Variants in EPM2A observed in about 807,000 individuals in gnomAD.
EPM2A encodes the protein laforin.
In EPM2A, 21 loss-of-function variants were observed where a neutral mutation model predicts 26.5. The observed-to-expected ratio is 0.79, with a 90% confidence interval of 0.56 to 1.14. The LOEUF is 1.14. Among genes scored for constraint, EPM2A ranks in the 50% most tolerant of loss-of-function variants. The pLI is 0.00. For synonymous variants in EPM2A, 217 were observed against 177.6 expected (o/e 1.22, Z -1.76); for missense variants, 458 against 440.8 (o/e 1.04, Z -0.35).
At chr6:145,683,268 G>GGGGTGTGT (rs955430424) in intron 2 of EPM2A, among the ~76,000 whole-genome samples, 1 of 134,010 alleles carries the variant, frequency 7.5e-6, no homozygotes, top group Admixed American at 7.9e-5. Flanking sequence ...CCCAGGATTT[G>GGGGTGTGT]GTGTGTGTGT....
chr6:145,686,438 AGACTAGAGTG>A, intron 1 of EPM2A, 142 bp from the exon 2 acceptor site: 1 of 705,702 alleles, frequency 1.4e-6, no homozygotes. Context: ...TAAACAAAAA[AGACTAGAGTG>A]AAAAACAGAA....
At chr6:145,664,647 T>A (rs1417113115) in intron 2 of EPM2A, among the ~76,000 whole-genome samples, 1 of 151,950 alleles carries the variant, frequency 6.6e-6, no homozygotes, top group Non-Finnish European at 1.5e-5. Context: ...TGAACTCAGC[T>A]CTGCACCAAG....
intron 2 of EPM2A, among the ~76,000 whole-genome samples, chr6:145,685,115 A>T (rs1224770941): frequency 2.0e-5 from 3 of 152,218 alleles, no homozygotes; most frequent in Non-Finnish European, 4.4e-5. Flanking sequence ...ATAATATTTT[A>T]AATGTTGGCA....
chr6:145,687,001 T>C (rs547183129), intron 1 of EPM2A: 2 of 152,538 alleles, frequency 1.3e-5, no homozygotes, highest in African/African-American at 2.4e-5. Context: ...TCCAGGGCCA[T>C]GGATCAAAGG....
intron 1 of EPM2A, among the ~76,000 whole-genome samples, chr6:145,716,315 C>T (rs1775618997): frequency 6.6e-6 from 1 of 152,116 alleles, no homozygotes; most frequent in Admixed American, 6.6e-5. Context: ...TCTCAGCAAG[C>T]TGTTATAAAA....
At chr6:145,457,001 C>G (rs1305297609) in intron 4 of EPM2A, among the ~76,000 whole-genome samples, 1 of 152,054 alleles carries the variant, frequency 6.6e-6, no homozygotes, top group Non-Finnish European at 1.5e-5. Flanking sequence ...ACAAAAGTTT[C>G]AAAGTTTAAA....
chr6:145,489,172 C>T (rs1779723517), intron 4 of EPM2A, among the ~76,000 whole-genome samples: 1 of 152,112 alleles, frequency 6.6e-6, no homozygotes. Flanking sequence ...AATTTAACTG[C>T]ACAGTAACAA....
chr6:145,590,556 C>T (rs534854921), intron 2 of EPM2A, among the ~76,000 whole-genome samples: 19 of 152,238 alleles, frequency 1.2e-4, no homozygotes, highest in African/African-American at 4.3e-4. Flanking sequence ...CCATACCTAA[C>T]TGCCACATCT....
At chr6:145,645,945 A>G (rs1244775345) in intron 2 of EPM2A, among the ~76,000 whole-genome samples, 4 of 152,166 alleles carry the variant, frequency 2.6e-5, no homozygotes, top group Non-Finnish European at 4.4e-5. Context: ...ACTGTGCTTA[A>G]TTGTGTGGAA....
intron 4 of EPM2A, among the ~76,000 whole-genome samples, chr6:145,460,376 G>C (rs1779314404): frequency 6.6e-6 from 1 of 152,154 alleles, no homozygotes; most frequent in East Asian, 1.9e-4. Flanking sequence ...TAACCTTCCT[G>C]ATCACAGTCT....
At chr6:145,442,417 C>T (rs931775823) in intron 4 of EPM2A, among the ~76,000 whole-genome samples, 5 of 152,146 alleles carry the variant, frequency 3.3e-5, no homozygotes, top group Non-Finnish European at 7.3e-5. Context: ...GGAAGCCTCA[C>T]AATCATGGTG....
At chr6:145,724,197 A>T (rs986698284) in intron 1 of EPM2A, among the ~76,000 whole-genome samples, 2 of 152,128 alleles carry the variant, frequency 1.3e-5, no homozygotes, top group Non-Finnish European at 2.9e-5. Flanking sequence ...GTCAGAAACT[A>T]ATCCAAATTC....
At chr6:145,544,833 T>C (rs962821274) in intron 2 of EPM2A, among the ~76,000 whole-genome samples, 3 of 152,180 alleles carry the variant, frequency 2.0e-5, no homozygotes, top group Non-Finnish European at 4.4e-5. Flanking sequence ...TCTTTTCCTG[T>C]GTGGGTTCCC....
chr6:145,486,416 C>T (rs1193198465), intron 4 of EPM2A, among the ~76,000 whole-genome samples: 1 of 152,120 alleles, frequency 6.6e-6, no homozygotes, highest in Non-Finnish European at 1.5e-5. Context: ...ACATGTTCTT[C>T]TTTTCATATA....
rs780094977 is a variant in EPM2A at position 145,735,276 on chromosome 6, CG to C, written c.222del (p.Asp74GlufsTer16). 6.7e-7 allele frequency: 1 copy of C among 1,496,918 alleles called. No homozygotes were observed. Among genetic ancestry groups the C allele is most frequent in the Non-Finnish European group, 8.9e-7 (1 of 1,120,598 alleles). The allele number at this position is 1,496,918 out of a possible 1,614,324, so 92.7% of individuals were successfully genotyped here. A position where few individuals can be genotyped will look rare whatever the true frequency, so the allele number is the denominator to read the frequency against. On this transcript the variant is annotated frameshift_variant, in exon 1 of 4. Coordinates refer to ENST00000367519, the MANE Select transcript of EPM2A (RefSeq NM_005670.4). LOFTEE classifies it high-confidence loss of function. ...GTGTCCACGCGGCCCGGCTCCGCCC[CG>C]TCCTGCGCCGCCTCCTCGGCCGCCA... ...VELAAEEAAQ[D>X]GAEPGRVDTF... is the part of the protein sequence containing the mutation.
intron 2 of EPM2A, among the ~76,000 whole-genome samples, chr6:145,557,573 A>G (rs1240431037): frequency 6.6e-6 from 1 of 152,092 alleles, no homozygotes; most frequent in Non-Finnish European, 1.5e-5. Context: ...CTACAAAATT[A>G]ACAAATGTGA....
intron 1 of EPM2A, among the ~76,000 whole-genome samples, chr6:145,730,798 C>A (rs117674351): frequency 6.6e-6 from 1 of 152,060 alleles, no homozygotes; most frequent in Non-Finnish European, 1.5e-5. Flanking sequence ...ACAGATGTTA[C>A]GAGAAAGAAT....
intron 4 of EPM2A, among the ~76,000 whole-genome samples, chr6:145,461,624 T>A (rs565363419): frequency 6.6e-6 from 1 of 152,118 alleles, no homozygotes; most frequent in Non-Finnish European, 1.5e-5. Context: ...AAAAGGCCTC[T>A]TGAGGCATCT....
rs558006791 is a variant in EPM2A at position 145,441,815 on chromosome 6, T to C, written c.556-57718A>G. 4.3e-4 allele frequency among the ~76,000 whole-genome samples: 66 copies of C among 152,282 alleles called. No individual in the cohort carries two copies. In the East Asian group the frequency reaches 0.011, roughly 25 times the overall value. On this transcript the variant is annotated intron_variant, in intron 4 of 4. Coordinates refer to the EPM2A transcript ENST00000638717. ...AGGCAAAGATTGCAGTGAGCCGAGA[T>C]TGCACCACTGCATTCCAGCCTGGGA...
Sources: gnomAD v4.1 joint callset for allele counts (sites outside exome capture counted in the v4.1 genomes callset) on GRCh38, gnomAD v4.1.1 for gene constraint, MANE v1.5 for transcripts, NCBI Gene and HGNC (gene_info 2026-07-23, HGNC 2026-07-21) for gene names.